The following CDH12 variants were observed in gnomAD, a reference collection of about 807,000 sequenced individuals.
CDH12 encodes cadherin-12.
In CDH12, 41 loss-of-function variants were observed where a neutral mutation model predicts 74.1. The observed-to-expected ratio is 0.55, with a 90% confidence interval of 0.43 to 0.72. The LOEUF (loss-of-function observed/expected upper bound fraction) is 0.72. Ranked by LOEUF, CDH12 falls within the 30% of genes least tolerant of loss-of-function variation. The pLI, the probability that CDH12 is intolerant of heterozygous loss-of-function variation, is 0.00. For synonymous variants in CDH12, 399 were observed against 355.0 expected, an observed-to-expected ratio of 1.12 and a Z score of -1.39; for missense variants, 945 against 977.2, an observed-to-expected ratio of 0.97 and a Z score of 0.44.
chr5:22,637,162 T>C (rs181796778), intron 1 of CDH12, among the ~76,000 whole-genome samples: 20 of 152,348 alleles, frequency 1.3e-4, no homozygotes, highest in Admixed American at 1.2e-3. Context: ...TATTCATACA[T>C]ACAATTTCAG....
At chr5:22,237,012 T>C (rs1752583331) in intron 3 of CDH12, among the ~76,000 whole-genome samples, 1 of 152,016 alleles carries the variant, frequency 6.6e-6, no homozygotes, top group South Asian at 2.1e-4. Context: ...ATAAAAAGTA[T>C]AGTATAGTAA....
At chr5:22,499,687 T>A (rs1747255454) in intron 2 of CDH12, among the ~76,000 whole-genome samples, 1 of 152,158 alleles carries the variant, frequency 6.6e-6, no homozygotes, top group Non-Finnish European at 1.5e-5. Flanking sequence ...GTCCCTAGTA[T>A]GGGGTGTAGA....
At chr5:22,714,149 G>A (rs1743443808) in intron 1 of CDH12, among the ~76,000 whole-genome samples, 1 of 152,162 alleles carries the variant, frequency 6.6e-6, no homozygotes, top group Non-Finnish European at 1.5e-5. Flanking sequence ...TAATATTCAA[G>A]CAAAATTGCT....
chr5:22,246,813 T>C (rs1306999092), intron 3 of CDH12, among the ~76,000 whole-genome samples: 2 of 152,142 alleles, frequency 1.3e-5, no homozygotes, highest in Admixed American at 6.6e-5. Context: ...TTTTATCTAG[T>C]TGTTAGAATT....
chr5:21,763,538 G>C (rs1013115650), intron 12 of CDH12, among the ~76,000 whole-genome samples: 1 of 151,974 alleles, frequency 6.6e-6, no homozygotes, highest in Non-Finnish European at 1.5e-5. Context: ...ATAAAACTTC[G>C]AATTTACTTA....
At chr5:22,321,810 A>G (rs1279925347) in intron 3 of CDH12, among the ~76,000 whole-genome samples, 1 of 152,120 alleles carries the variant, frequency 6.6e-6, no homozygotes, top group Non-Finnish European at 1.5e-5. Flanking sequence ...CAACTCCAGA[A>G]TAGCAAGCAG....
chr5:22,374,664 A>G (rs1741443448), intron 3 of CDH12, among the ~76,000 whole-genome samples: 1 of 152,120 alleles, frequency 6.6e-6, no homozygotes. Context: ...TACTTCAATA[A>G]TGAACTACCT....
At chr5:22,236,874 A>C in intron 3 of CDH12, among the ~76,000 whole-genome samples, 1 of 152,066 alleles carries the variant, frequency 6.6e-6, no homozygotes. Flanking sequence ...AGGGGCAGTA[A>C]TATGCATGGA....
chr5:21,897,637 T>C (rs1561282787), intron 6 of CDH12, among the ~76,000 whole-genome samples: 2 of 152,262 alleles, frequency 1.3e-5, no homozygotes, highest in Non-Finnish European at 2.9e-5. Flanking sequence ...TATTACATCT[T>C]AGTTTTGTAT....
At chr5:22,386,026 G>A (rs1741985004) in intron 3 of CDH12, among the ~76,000 whole-genome samples, 1 of 151,628 alleles carries the variant, frequency 6.6e-6, no homozygotes, top group African/African-American at 2.4e-5. Context: ...CTGAGTAGCT[G>A]GGATTACAGG....
rs1737283627 is a variant in CDH12 at position 22,845,980 on chromosome 5, T to C, written c.-523+7078A>G. 3.3e-5 allele frequency among the ~76,000 whole-genome samples: 5 copies of C among 151,978 alleles called. No individual in the cohort carries two copies. In the South Asian group the frequency reaches 1.0e-3, roughly 32 times the overall value. ...GCGAAGGTGACTGTGGTATAGGAAGTGAGGTTACTGGATTGAAGTTACTGG... is the reference window on the plus strand; with the variant it reads ...GCGAAGGTGACTGTGGTATAGGAAGCGAGGTTACTGGATTGAAGTTACTGG... On this transcript the variant is annotated intron_variant, in intron 1 of 14. Transcript: ENST00000382254.
chr5:21,953,018 A>T (rs1755932980), intron 6 of CDH12, among the ~76,000 whole-genome samples: 1 of 151,794 alleles, frequency 6.6e-6, no homozygotes, highest in Non-Finnish European at 1.5e-5. Flanking sequence ...ATCTATGGAG[A>T]ATCTTCATTA....
rs568582905 is a variant in CDH12 at position 22,086,430 on chromosome 5, C to T, written c.-186-7568G>A. Among the ~76,000 whole-genome samples, 12 of 152,140 alleles carry T rather than the reference C, an allele frequency of 7.9e-5. 2 individuals are homozygous for T. Among genetic ancestry groups the T allele is most frequent in the Admixed American group, 5.2e-4 (8 of 15,276 alleles). On this transcript the variant is annotated intron_variant, in intron 4 of 14. Coordinates refer to ENST00000382254, the MANE Select transcript of CDH12 (RefSeq NM_004061.5). ...CGTGATCTCGTCTCATTCCAGCCTC[C>T]GCCTCCCGGGTTTAAACAATTCTCT...
chr5:22,020,762 T>G lies in CDH12; in HGVS notation c.232-45377A>C, dbSNP rs1737922049. 2.6e-5 allele frequency among the ~76,000 whole-genome samples: 4 copies of G among 152,070 alleles called. No homozygotes were observed. The South Asian group carries it at 8.3e-4, about 31-fold the overall frequency. On this transcript the variant is annotated intron_variant, in intron 5 of 14. Transcript: ENST00000382254. ...ATTGAGTTATCCCCCCTCTCATGACTTCATAAAATGTCAATTACCACCTAA... is the reference window on the plus strand; with the variant it reads ...ATTGAGTTATCCCCCCTCTCATGACGTCATAAAATGTCAATTACCACCTAA...
chr5:21,787,441 TTAAC>T (rs1746257476), intron 10 of CDH12, among the ~76,000 whole-genome samples: 1 of 152,160 alleles, frequency 6.6e-6, no homozygotes, highest in African/African-American at 2.4e-5. Flanking sequence ...TAAAATATTT[TTAAC>T]TAAGGCATGT....
At chr5:22,677,886 A>C (rs11954951) in intron 1 of CDH12, among the ~76,000 whole-genome samples, 103,261 of 151,756 alleles carry the variant, frequency 0.68, 35,386 homozygotes, top group Admixed American at 0.73. Flanking sequence ...CTAGTGAAGG[A>C]CCTCTTCCTG....
intron 3 of CDH12, among the ~76,000 whole-genome samples, chr5:22,328,569 G>A (rs921098532): frequency 1.3e-5 from 2 of 152,148 alleles, no homozygotes; most frequent in African/African-American, 4.8e-5. Flanking sequence ...TAAACACTAG[G>A]TGAGAGTTAC....
intron 6 of CDH12, among the ~76,000 whole-genome samples, chr5:21,941,786 A>G (rs1051542577): frequency 4.0e-5 from 6 of 149,164 alleles, no homozygotes; most frequent in African/African-American, 1.5e-4. Context: ...TTAAGTTTTA[A>G]TGGGGAGAAC....
At position 22,135,741 on chromosome 5, in the gene CDH12, C is replaced by A. The variant is rs569461271; in HGVS notation, c.-186-56879G>T. ...TTGGTAAGGTTCTGGGAAGCTGGAACGTCTGACTGGTGACTGATGGTGGGT... is the reference window on the plus strand; with the variant it reads ...TTGGTAAGGTTCTGGGAAGCTGGAAAGTCTGACTGGTGACTGATGGTGGGT... On this transcript the variant is annotated intron_variant, in intron 4 of 14. Transcript: ENST00000382254. Among the ~76,000 whole-genome samples the A allele has an allele frequency of 9.1e-4, 138 of 152,106 alleles. 1 individual carries two copies. The highest frequency in any genetic ancestry group is 2.1e-3 in the South Asian group (10 of 4,824).
Sources: allele counts gnomAD v4.1 joint callset (sites outside exome capture counted in the v4.1 genomes callset), GRCh38; gene constraint gnomAD v4.1.1; transcripts MANE v1.5; gene names NCBI Gene and HGNC (gene_info 2026-07-23, HGNC 2026-07-21).